RNF8: variants seen among roughly 807,000 people sequenced by gnomAD.
RNF8 encodes the protein ring finger protein 8.
Under a neutral mutation model 59.3 loss-of-function variants are expected in RNF8, and 8 were observed. That is an observed-to-expected ratio of 0.13 (90% CI 0.08 to 0.24). The LOEUF is 0.24. Ranked by LOEUF, RNF8 falls within the 10% of genes least tolerant of loss-of-function variation. The pLI is 1.00. For synonymous variants in RNF8, 162 were observed against 200.0 expected, an observed-to-expected ratio of 0.81 and a Z score of 1.60; for missense variants, 406 against 572.6, an observed-to-expected ratio of 0.71 and a Z score of 2.97.
chr6:37,390,868 T>C lies in RNF8; in HGVS notation c.*110T>C. The C allele has an allele frequency of 6.3e-7, 1 of 1,592,982 alleles. No homozygotes were observed. The highest frequency in any genetic ancestry group is 8.6e-7 in the Non-Finnish European group (1 of 1,160,894). On this transcript the variant is annotated 3_prime_UTR_variant, in exon 8 of 8. Coordinates refer to ENST00000373479, the MANE Select transcript of RNF8 (RefSeq NM_003958.4). The stretch of plus-strand genomic sequence containing the variant: ...GCTGCTCTGAAGGTCAACTGAGAAG[T>C]CTTGTGGGACAGAGACTTGAGTTAG...
At chr6:37,389,599 C>T (rs1326745998) in intron 7 of RNF8, among the ~76,000 whole-genome samples, 3 of 151,440 alleles carry the variant, frequency 2.0e-5, no homozygotes, top group South Asian at 2.1e-4. Context: ...GGGCATGACT[C>T]GTTGGAAAGC....
chr6:37,381,135 A>G lies in RNF8; in HGVS notation c.1237-15A>G. The G allele has an allele frequency of 6.2e-7, 1 of 1,608,718 alleles. No individual in the cohort carries two copies. Among genetic ancestry groups the G allele is most frequent in the Non-Finnish European group, 8.5e-7 (1 of 1,175,136 alleles). On this transcript the variant is annotated splice_polypyrimidine_tract_variant and intron_variant, in intron 6 of 7. Coordinates refer to ENST00000373479, the MANE Select transcript of RNF8 (RefSeq NM_003958.4). ...CATGAAAGTTCTGATATGTGTGTCCACATTCCTACTGTAGGCTGTCACCTT... is the reference window on the plus strand; with the variant it reads ...CATGAAAGTTCTGATATGTGTGTCCGCATTCCTACTGTAGGCTGTCACCTT...
chr6:37,367,468 A>G (rs1327063895), intron 2 of RNF8, among the ~76,000 whole-genome samples: 1 of 152,176 alleles, frequency 6.6e-6, no homozygotes, highest in Non-Finnish European at 1.5e-5. Flanking sequence ...CAGTGATGCA[A>G]TCTTGGCTCA....
chr6:37,362,606 T>C (rs1769370390), intron 2 of RNF8, among the ~76,000 whole-genome samples: 1 of 152,252 alleles, frequency 6.6e-6, no homozygotes, highest in Admixed American at 6.5e-5. Flanking sequence ...TTCTTTTGAC[T>C]ACAGATGCCC....
intron 2 of RNF8, among the ~76,000 whole-genome samples, chr6:37,363,751 C>T (rs945926881): frequency 6.6e-6 from 1 of 152,112 alleles, no homozygotes; most frequent in African/African-American, 2.4e-5. Flanking sequence ...TATTTTCACT[C>T]CCCGGGAAAC....
At chr6:37,385,993 C>T (rs150567326) in intron 7 of RNF8, among the ~76,000 whole-genome samples, 23 of 152,022 alleles carry the variant, frequency 1.5e-4, no homozygotes, top group Non-Finnish European at 2.8e-4. Flanking sequence ...TGCCACCACA[C>T]CCAGCTAATT....
chr6:37,377,152 A>C (rs369119392), intron 6 of RNF8, 119 bp downstream of exon 6: 2 of 579,868 alleles, frequency 3.4e-6, no homozygotes, highest in Non-Finnish European at 5.9e-6. Flanking sequence ...GGCTCACTGC[A>C]ACCTCCACTT....
At chr6:37,383,992 T>C (rs1217731926) in intron 7 of RNF8, among the ~76,000 whole-genome samples, 1 of 152,166 alleles carries the variant, frequency 6.6e-6, no homozygotes, top group Non-Finnish European at 1.5e-5. Flanking sequence ...TCTTCTGTTT[T>C]GCTTTTCCTA....
intron 7 of RNF8, among the ~76,000 whole-genome samples, chr6:37,389,173 T>G (rs1454369709): frequency 6.6e-6 from 1 of 152,178 alleles, no homozygotes; most frequent in African/African-American, 2.4e-5. Context: ...ATGGTAGCTC[T>G]TCAGTAAATA....
chr6:37,371,292 T>TA (rs1391880335), intron 3 of RNF8, among the ~76,000 whole-genome samples: 10 of 152,160 alleles, frequency 6.6e-5, no homozygotes, highest in Admixed American at 1.3e-4. Context: ...ATTGGTGGCT[T>TA]AAAGCCGACA....
chr6:37,369,978 G>C (rs992537368), intron 3 of RNF8: 5 of 152,190 alleles, frequency 3.3e-5, no homozygotes, highest in African/African-American at 1.2e-4. Flanking sequence ...CTTTAGGCTA[G>C]AGCAGATCCT....
At chr6:37,369,239 G>A in intron 3 of RNF8, 21 bp downstream of exon 3, 1 of 1,580,940 alleles carries the variant, frequency 6.3e-7, no homozygotes, top group Non-Finnish European at 8.6e-7. Context: ...GAAGGGAAGG[G>A]CAAGAGTGGT....
chr6:37,354,774 G>T (rs981226455), intron 1 of RNF8, among the ~76,000 whole-genome samples: 2 of 151,770 alleles, frequency 1.3e-5, no homozygotes, highest in African/African-American at 2.4e-5. Flanking sequence ...GCCCCGCGGT[G>T]CCAGGTCGGG....
Position 37,355,675 on chromosome 6 carries a change from C to T in RNF8, c.111+1400C>T, listed in dbSNP as rs929973931. ...AGTGTTATAAAGGGTTACTTGTATG[C>T]TGTGGTTTGAGGAACACCAAGAAAA... On this transcript the variant is annotated intron_variant, in intron 1 of 7. Coordinates refer to ENST00000373479, the MANE Select transcript of RNF8 (RefSeq NM_003958.4). 3.3e-5 allele frequency among the ~76,000 whole-genome samples: 5 copies of T among 152,132 alleles called. No homozygotes were observed. The South Asian group carries it at 1.0e-3, about 32-fold the overall frequency.
At chr6:37,364,164 G>A (rs962866854) in intron 2 of RNF8, among the ~76,000 whole-genome samples, 2 of 133,182 alleles carry the variant, frequency 1.5e-5, no homozygotes, top group Non-Finnish European at 3.1e-5. Flanking sequence ...GGGGGACAGA[G>A]CGAGACTCTG....
intron 1 of RNF8, among the ~76,000 whole-genome samples, chr6:37,357,511 C>T (rs1769166922): frequency 6.6e-6 from 1 of 152,214 alleles, no homozygotes. Context: ...TGCTTCCTCT[C>T]TTAGAGATAA....
At chr6:37,363,183 C>G (rs141602809) in intron 2 of RNF8, among the ~76,000 whole-genome samples, 1 of 152,162 alleles carries the variant, frequency 6.6e-6, no homozygotes, top group East Asian at 1.9e-4. Flanking sequence ...TGTACTCTTA[C>G]GTGAACAAAG....
Position 37,368,942 on chromosome 6 carries a change from G to C in RNF8, c.699G>C (p.Glu233Asp), listed in dbSNP as rs762458644. The C allele has an allele frequency of 6.2e-7, 1 of 1,614,082 alleles. No individual in the cohort carries two copies. Among genetic ancestry groups the C allele is most frequent in the Non-Finnish European group, 8.5e-7 (1 of 1,180,056 alleles). The change falls in exon 3 of 8, where the codon GAG becomes GAC. Residue 233 changes from glutamate to aspartate, a missense_variant. This residue lies in a region of RNF8 where 285 missense variants were observed against 342.0 expected (regional missense o/e 0.83). Transcript: ENST00000373479. The stretch of plus-strand genomic sequence containing the variant: ...CCAAAGTCACAGAGGTTCATCATGA[G>C]CAGAAAGCCTCAAACTCTTCAGCAT... The part of the protein sequence containing the change: ...GFPKVTEVHH[E>D]QKASNSSASQ...
At chr6:37,386,551 G>A (rs956039504) in intron 7 of RNF8, among the ~76,000 whole-genome samples, 94 of 152,196 alleles carry the variant, frequency 6.2e-4, no homozygotes, top group African/African-American at 2.1e-3. Context: ...TGCCAGAGTT[G>A]AGAGATCCAG....
Sources: gnomAD v4.1 joint callset for allele counts (sites outside exome capture counted in the v4.1 genomes callset) on GRCh38, gnomAD v4.1.1 for gene constraint, gnomAD v4.1.1 regional missense constraint, MANE v1.5 for transcripts, NCBI Gene and HGNC (gene_info 2026-07-23, HGNC 2026-07-21) for gene names.